Variants in ARB2A observed in about 807,000 individuals in gnomAD.
ARB2A encodes the protein ARB2 cotranscriptional regulator A, also known as cotranscriptional regulator ARB2A.
At chr5:94,032,777 A>T in the ARB2A span, among the ~76,000 whole-genome samples, 1 of 152,148 alleles carries the variant, frequency 6.6e-6, no homozygotes, top group African/African-American at 2.4e-5. Flanking sequence ...GAGTTTTAAG[A>T]TTTAATACCT....
At chr5:94,008,258 A>C in the ARB2A span, among the ~76,000 whole-genome samples, 1 of 152,210 alleles carries the variant, frequency 6.6e-6, no homozygotes, top group African/African-American at 2.4e-5. Context: ...CAGGAATAAA[A>C]AGGATTAACA....
chr5:93,914,709 A>AT, the ARB2A span, among the ~76,000 whole-genome samples: 1 of 151,902 alleles, frequency 6.6e-6, no homozygotes, highest in African/African-American at 2.4e-5. Flanking sequence ...AAATTTCATA[A>AT]TTTTTTACCT....
chr5:93,861,325 T>TTTTTTTC, the ARB2A span: 8 of 121,038 alleles, frequency 6.6e-5, no homozygotes, highest in East Asian at 7.3e-4. Flanking sequence ...TTTTTTTTTT[T>TTTTTTTC]TTTAGCTCTG....
chr5:94,062,164 GA>G, the ARB2A span, among the ~76,000 whole-genome samples: 1 of 152,128 alleles, frequency 6.6e-6, no homozygotes, highest in East Asian at 1.9e-4. Flanking sequence ...ATTCAAAGAT[GA>G]AAAGACAGTC....
chr5:93,699,799 C>A, the ARB2A span, among the ~76,000 whole-genome samples: 1 of 151,432 alleles, frequency 6.6e-6, no homozygotes, highest in South Asian at 2.1e-4. Flanking sequence ...CAGATGACAG[C>A]CATTCTAGGT....
chr5:94,084,084 G>C, the ARB2A span, among the ~76,000 whole-genome samples: 1 of 151,772 alleles, frequency 6.6e-6, no homozygotes, highest in Non-Finnish European at 1.5e-5. Flanking sequence ...GACCAGCCTG[G>C]TCAATACGGT....
At chr5:93,844,284 C>A in the ARB2A span, among the ~76,000 whole-genome samples, 2 of 151,528 alleles carry the variant, frequency 1.3e-5, no homozygotes, top group Non-Finnish European at 2.9e-5. Context: ...TCTGTACTAA[C>A]AATACAAAAA....
chr5:93,698,533 A>C, the ARB2A span, among the ~76,000 whole-genome samples: 1 of 152,190 alleles, frequency 6.6e-6, no homozygotes, highest in Admixed American at 6.5e-5. Context: ...TGATATTTGA[A>C]CAAAGATCCA....
chr5:93,647,385 C>T, the ARB2A span, among the ~76,000 whole-genome samples: 1 of 152,176 alleles, frequency 6.6e-6, no homozygotes, highest in African/African-American at 2.4e-5. Context: ...CGCCACCACA[C>T]CTGTCTAATT....
the ARB2A span, among the ~76,000 whole-genome samples, chr5:94,089,594 TACACACACAC>T: frequency 1.8e-3 from 240 of 135,662 alleles, no homozygotes; most frequent in East Asian, 0.017. Flanking sequence ...AAACCGTTTA[TACACACACAC>T]ACACACACAC....
the ARB2A span, among the ~76,000 whole-genome samples, chr5:94,039,025 G>A: frequency 6.6e-6 from 1 of 152,140 alleles, no homozygotes; most frequent in Non-Finnish European, 1.5e-5. Flanking sequence ...AAGACCTGAT[G>A]AAATCCTTTC....
At chr5:93,798,502 G>A in the ARB2A span, among the ~76,000 whole-genome samples, 1 of 151,944 alleles carries the variant, frequency 6.6e-6, no homozygotes, top group Non-Finnish European at 1.5e-5. Context: ...ATCTCCTATG[G>A]CCTTTTATAT....
At chr5:93,958,762 G>T in the ARB2A span, 2 of 1,462,434 alleles carry the variant, frequency 1.4e-6, no homozygotes, top group South Asian at 3.3e-5. Context: ...AAAAAACCCA[G>T]GAAATTGTAC....
chr5:93,988,094 A>G, the ARB2A span, among the ~76,000 whole-genome samples: 1 of 152,072 alleles, frequency 6.6e-6, no homozygotes, highest in Non-Finnish European at 1.5e-5. Flanking sequence ...CATATTGGAA[A>G]TATCTCCATA....
At chr5:93,640,959 T>C in the ARB2A span, among the ~76,000 whole-genome samples, 2 of 152,082 alleles carry the variant, frequency 1.3e-5, no homozygotes, top group Non-Finnish European at 2.9e-5. Flanking sequence ...CCCAGCACTT[T>C]TGCAGGCTGA....
chr5:93,661,509 G>C, the ARB2A span, among the ~76,000 whole-genome samples: 1 of 152,092 alleles, frequency 6.6e-6, no homozygotes, highest in Admixed American at 6.6e-5. Context: ...AAACCAGGAA[G>C]GGACACAAAA....
the ARB2A span, among the ~76,000 whole-genome samples, chr5:93,668,301 C>T: frequency 4.6e-5 from 7 of 151,732 alleles, no homozygotes; most frequent in East Asian, 1.2e-3. Context: ...GTCAGGGTTT[C>T]GGCACGTTGG....
the ARB2A span, chr5:93,865,323 C>T: frequency 2.7e-5 from 22 of 812,306 alleles, no homozygotes; most frequent in Middle Eastern, 6.1e-4. Context: ...CCTTGTGATC[C>T]GCCCGCCTCG....
At chr5:94,042,188 T>A in the ARB2A span, among the ~76,000 whole-genome samples, 1 of 152,272 alleles carries the variant, frequency 6.6e-6, no homozygotes, top group African/African-American at 2.4e-5. Flanking sequence ...TAAAAAAAAT[T>A]CTGTGTGTGA....
Sources: allele counts gnomAD v4.1 joint callset (sites outside exome capture counted in the v4.1 genomes callset), GRCh38; gene constraint gnomAD v4.1.1; transcripts MANE v1.5; gene names NCBI Gene and HGNC (gene_info 2026-07-23, HGNC 2026-07-21).